The following RAD51D variants were observed in gnomAD, a reference collection of about 807,000 sequenced individuals.
RAD51D encodes the protein DNA repair protein RAD51 homolog 4.
Under a neutral mutation model 44.1 loss-of-function variants are expected in RAD51D, and 38 were observed. The observed-to-expected ratio is 0.86, with a 90% CI of 0.67 to 1.13. The LOEUF (loss-of-function observed/expected upper bound fraction) is 1.13. Ranked by LOEUF, RAD51D falls within the 50% of genes most tolerant of loss-of-function variation. The pLI, the probability that RAD51D is intolerant of heterozygous loss-of-function variation, is 0.00. For missense variants in RAD51D, 390 were observed against 414.0 expected (o/e 0.94, Z 0.50); for synonymous variants, 141 against 166.6 (o/e 0.85, Z 1.18).
chr17:35,100,265 T>G lies in RAD51D; in HGVS notation c.*688A>C, dbSNP rs909242124. On this transcript the variant is annotated 3_prime_UTR_variant, in exon 10 of 10. Transcript: ENST00000345365. ...ACACGTTCTCACCTAGTCATGGTGATGCAGGCAGGTCTGAAACCAAATCAG... is the reference window on the plus strand; with the variant it reads ...ACACGTTCTCACCTAGTCATGGTGAGGCAGGCAGGTCTGAAACCAAATCAG... The G allele has an allele frequency of 1.9e-6, 1 of 533,734 alleles. No homozygotes were observed. The highest frequency in any genetic ancestry group is 1.9e-5 in the African/African-American group (1 of 53,908). 33.1% of individuals were successfully genotyped at this position (533,734 alleles called of 1,614,324 possible).
At chr17:35,116,922 C>T in intron 3 of RAD51D, 6 of 1,610,718 alleles carry the variant, frequency 3.7e-6, no homozygotes, top group Non-Finnish European at 4.2e-6. Flanking sequence ...ATCTGTTCCT[C>T]CATGCCCAAG....
rs1305732462 is a variant in RAD51D at position 35,103,542 on chromosome 17, C to A, written c.579G>T (p.Val193=). The change falls in exon 7 of 10, where the codon GTG becomes GTT. Residue 193 remains valine, a splice_region_variant and synonymous_variant. Coordinates refer to ENST00000345365, the MANE Select transcript of RAD51D (RefSeq NM_002878.4). The surrounding 1 kb of genome is among the most constrained non-coding windows in gnomAD (Gnocchi z 4.1). ...QELRGTVAQQ[V]TGSSGTVKVV... ...CCTTCACAGTTCCTGAAGAACCAGT[C>A]ACCTGAAGGAATGTGGGGGAAGCAC... 6.2e-7 allele frequency: 1 copy of A among 1,613,460 alleles called. No homozygotes were observed. The highest frequency in any genetic ancestry group is 8.5e-7 in the Non-Finnish European group (1 of 1,179,498).
At chr17:35,114,292 T>C (rs1477242455) in intron 3 of RAD51D, among the ~76,000 whole-genome samples, 1 of 151,320 alleles carries the variant, frequency 6.6e-6, no homozygotes, top group Non-Finnish European at 1.5e-5. Flanking sequence ...AATTAATTAA[T>C]TAAATAAAAT....
chr17:35,110,118 G>A (rs968033071), intron 3 of RAD51D, among the ~76,000 whole-genome samples: 1 of 151,986 alleles, frequency 6.6e-6, no homozygotes, highest in Non-Finnish European at 1.5e-5. Flanking sequence ...CTACAGGCAT[G>A]TGCCACCACA....
chr17:35,119,671 G>C lies in RAD51D; in HGVS notation c.-58C>G. ...CTGCACGTCACGTGGGCATTCGCGG[G>C]GGGTCCTCTCCAGACGCCCCTCCCC... On this transcript the variant is annotated 5_prime_UTR_variant, in exon 1 of 10. Coordinates refer to ENST00000345365, the MANE Select transcript of RAD51D (RefSeq NM_002878.4). 2 of 1,578,008 alleles carry C rather than the reference G, an allele frequency of 1.3e-6. No homozygotes were observed. The highest frequency in any genetic ancestry group is 1.7e-6 in the Non-Finnish European group (2 of 1,158,180).
In RAD51D at chr17:35,103,749, G is replaced by A. The variant is rs1038078252; in HGVS notation, c.577-205C>T. 2.0e-5 allele frequency among the ~76,000 whole-genome samples: 3 copies of A among 152,204 alleles called. No individual in the cohort carries two copies. The highest frequency in any genetic ancestry group is 4.4e-5 in the Non-Finnish European group (3 of 68,048). On this transcript the variant is annotated intron_variant, in intron 6 of 9. Coordinates refer to ENST00000345365, the MANE Select transcript of RAD51D (RefSeq NM_002878.4). The surrounding 1 kb of genome is among the most constrained non-coding windows in gnomAD (Gnocchi z 4.1). ...GTAACAGACTTCAATGAAGACTTGG[G>A]TAGAAAGAAAGGGTTTAAATCACAG... is the stretch of plus-strand genomic sequence containing the variant.
intron 6 of RAD51D, among the ~76,000 whole-genome samples, chr17:35,104,664 A>G (rs1320012258): frequency 1.3e-5 from 2 of 152,194 alleles, no homozygotes; most frequent in Non-Finnish European, 2.9e-5. Flanking sequence ...GATTACAGGC[A>G]TGAGCCACCA....
intron 3 of RAD51D, chr17:35,117,021 G>A (rs1453966654): frequency 6.2e-7 from 1 of 1,613,196 alleles, no homozygotes; most frequent in Non-Finnish European, 8.5e-7. Context: ...GTTCCCACTT[G>A]AGTGCGCCCT....
At chr17:35,108,193 C>T (rs568191257) in intron 3 of RAD51D, among the ~76,000 whole-genome samples, 1 of 151,006 alleles carries the variant, frequency 6.6e-6, no homozygotes, top group Non-Finnish European at 1.5e-5. Context: ...TACAGTGAGC[C>T]GAGATCACGC....
chr17:35,115,280 CA>C (rs765374648), intron 3 of RAD51D: 1 of 518,394 alleles, frequency 1.9e-6, no homozygotes, highest in South Asian at 1.4e-5. Context: ...TTCAATGCCT[CA>C]TATTTCCTGA....
intron 5 of RAD51D, 82 bp downstream of exon 5, chr17:35,106,906 C>T (rs2091611162): frequency 3.4e-5 from 55 of 1,605,280 alleles, no homozygotes; most frequent in Non-Finnish European, 4.6e-5. Context: ...AATGACTATT[C>T]AACCCAAATT....
chr17:35,113,682 C>A (rs2142455386), intron 3 of RAD51D: 1 of 267,894 alleles, frequency 3.7e-6, no homozygotes, highest in South Asian at 3.1e-5. Flanking sequence ...TTGTGCTCAC[C>A]CCATCTCTGT....
At position 35,103,428 on chromosome 17, in the gene RAD51D, G is replaced by A. The variant is rs1332828793; in HGVS notation, c.667+26C>T. Reference sequence around the variant, plus strand: ...TGGGAGGCGAGGTCACATTCCACTGGCCCCAGGCTCTGCCACATCACTCAC... The same window carrying A: ...TGGGAGGCGAGGTCACATTCCACTGACCCCAGGCTCTGCCACATCACTCAC... On this transcript the variant is annotated intron_variant, in intron 7 of 9. Coordinates refer to ENST00000345365, the MANE Select transcript of RAD51D (RefSeq NM_002878.4). This position sits in a 1 kb window ranked among gnomAD's most constrained non-coding sequence, Gnocchi z 4.1. 1.2e-6 allele frequency: 2 copies of A among 1,612,126 alleles called. No individual in the cohort carries two copies. Among genetic ancestry groups the A allele is most frequent in the East Asian group, 2.2e-5 (1 of 44,854 alleles).
intron 3 of RAD51D, among the ~76,000 whole-genome samples, chr17:35,108,497 TAAAAAAAAAA>T (rs900458144): frequency 3.8e-5 from 3 of 78,434 alleles, no homozygotes; most frequent in Admixed American, 1.5e-4. Flanking sequence ...CTTTTCTCTT[TAAAAAAAAAA>T]AAAAAAAAAA....
intron 3 of RAD51D, among the ~76,000 whole-genome samples, chr17:35,114,639 A>G (rs1352555385): frequency 6.6e-6 from 1 of 151,924 alleles, no homozygotes; most frequent in Non-Finnish European, 1.5e-5. Context: ...GCAGTGAACT[A>G]TGATTGTGCA....
chr17:35,117,557 T>C (rs1489346302), intron 3 of RAD51D, among the ~76,000 whole-genome samples: 1 of 152,196 alleles, frequency 6.6e-6, no homozygotes, highest in Non-Finnish European at 1.5e-5. Flanking sequence ...TGGTGCGATC[T>C]TGGCCTACTG....
chr17:35,099,287 G>A lies in RAD51D; in HGVS notation c.*1666C>T. 1 of 161,772 alleles carries A rather than the reference G, an allele frequency of 6.2e-6. No homozygotes were observed. The highest frequency in any genetic ancestry group is 1.4e-5 in the Non-Finnish European group (1 of 72,852). 10.0% of individuals were successfully genotyped at this position (161,772 alleles called of 1,614,324 possible). On this transcript the variant is annotated 3_prime_UTR_variant, in exon 10 of 10. Coordinates refer to ENST00000345365, the MANE Select transcript of RAD51D (RefSeq NM_002878.4). Reference sequence around the variant, plus strand: ...TACCAACTCCAACTGACTGGTAGTGGCCCCCTGGAGTGCTATATTGAGAAA... The same window carrying A: ...TACCAACTCCAACTGACTGGTAGTGACCCCCTGGAGTGCTATATTGAGAAA...
Position 35,103,545 on chromosome 17 carries a change from C to T in RAD51D, c.577-1G>A, listed in dbSNP as rs2142421220. 6.2e-7 allele frequency: 1 copy of T among 1,613,454 alleles called. No homozygotes were observed. On this transcript the variant is annotated splice_acceptor_variant, in intron 6 of 9. Transcript: ENST00000345365. LOFTEE classifies it high-confidence loss of function. The surrounding 1 kb of genome is among the most constrained non-coding windows in gnomAD (Gnocchi z 4.1). ...TCACAGTTCCTGAAGAACCAGTCACCTGAAGGAATGTGGGGGAAGCACTCA... is the reference window on the plus strand; with the variant it reads ...TCACAGTTCCTGAAGAACCAGTCACTTGAAGGAATGTGGGGGAAGCACTCA...
chr17:35,104,537 C>T (rs1015453177), intron 6 of RAD51D, among the ~76,000 whole-genome samples: 2 of 152,158 alleles, frequency 1.3e-5, no homozygotes, highest in African/African-American at 4.8e-5. Context: ...ATTGGGTGCA[C>T]ACTACGGGTG....
Sources: gnomAD v4.1 joint callset for allele counts (sites outside exome capture counted in the v4.1 genomes callset) on GRCh38, gnomAD v4.1.1 for gene constraint, Gnocchi (gnomAD v3.1) non-coding constraint, MANE v1.5 for transcripts, NCBI Gene and HGNC (gene_info 2026-07-23, HGNC 2026-07-21) for gene names.